The following PRDM6 variants were observed in gnomAD, a reference collection of about 807,000 sequenced individuals.
PRDM6 encodes putative histone-lysine N-methyltransferase PRDM6.
A neutral mutation model predicts 60.8 loss-of-function variants in PRDM6; 25 were observed. The ratio of observed to expected loss-of-function variants is 0.41; its 90% CI spans 0.30 to 0.57. The LOEUF (loss-of-function observed/expected upper bound fraction) is 0.57. Among genes scored for constraint, PRDM6 ranks in the 20% least tolerant of loss-of-function variants. PRDM6 has a pLI of 0.27. For synonymous variants in PRDM6, 407 were observed against 357.4 expected (o/e 1.14, Z -1.57); for missense variants, 839 against 821.3 (o/e 1.02, Z -0.26).
chr5:123,145,386 G>A (rs1220003141), intron 3 of PRDM6, among the ~76,000 whole-genome samples: 1 of 152,174 alleles, frequency 6.6e-6, no homozygotes, highest in Non-Finnish European at 1.5e-5. Flanking sequence ...AAGCACAGTG[G>A]CTGGCACACA....
chr5:123,096,481 C>T (rs2150206354), intron 2 of PRDM6, among the ~76,000 whole-genome samples: 1 of 152,248 alleles, frequency 6.6e-6, no homozygotes, highest in Admixed American at 6.5e-5. Context: ...TAAGTTAGAA[C>T]CCAAATGTTT....
At chr5:123,092,586 A>G (rs1199779449) in intron 2 of PRDM6, among the ~76,000 whole-genome samples, 1 of 152,238 alleles carries the variant, frequency 6.6e-6, no homozygotes, top group Admixed American at 6.5e-5. Flanking sequence ...TGGAGAAAAT[A>G]AATTACAATT....
intron 6 of PRDM6, among the ~76,000 whole-genome samples, chr5:123,177,322 C>G (rs1766038069): frequency 6.6e-6 from 1 of 152,134 alleles, no homozygotes; most frequent in Non-Finnish European, 1.5e-5. Context: ...TTTCTAAGGG[C>G]TAACTTTCTA....
chr5:123,107,133 T>G (rs1554085565), intron 3 of PRDM6, among the ~76,000 whole-genome samples: 2 of 152,232 alleles, frequency 1.3e-5, no homozygotes, highest in Non-Finnish European at 2.9e-5. Context: ...ATTGTACTTT[T>G]GGGGGAGGGT....
chr5:123,103,354 A>G (rs553958015), intron 3 of PRDM6, among the ~76,000 whole-genome samples: 15 of 152,178 alleles, frequency 9.9e-5, no homozygotes, highest in Admixed American at 4.6e-4. Context: ...AAATTCAGAT[A>G]CTTTAAAACA....
Position 123,187,189 on chromosome 5 carries a change from C to G in PRDM6, c.1776C>G (p.Ile592Met). ...CAATAACTGAGAGCCCAGAATCAAT[C>G]GAAGTGGATTAACGGATTGACTGGT... is the stretch of plus-strand genomic sequence containing the variant. ...CKPITESPES[I>M]EVD The change falls in exon 8 of 8, where the codon ATC (isoleucine) becomes ATG (methionine). Residue 592 changes from isoleucine (I) to methionine (M), a missense_variant. By Grantham distance (10) the Ile-to-Met change is conservative. This residue lies in a region of PRDM6 where 109 missense variants were observed against 172.6 expected (regional missense o/e 0.63). Coordinates refer to ENST00000407847, the MANE Select transcript of PRDM6 (RefSeq NM_001136239.4). 6.5e-7 allele frequency: 1 copy of G among 1,549,818 alleles called. No individual in the cohort carries two copies. The highest frequency in any genetic ancestry group is 1.4e-5 in the African/African-American group (1 of 73,120).
intron 7 of PRDM6, among the ~76,000 whole-genome samples, chr5:123,182,145 A>G (rs1042364323): frequency 2.6e-5 from 4 of 152,144 alleles, no homozygotes; most frequent in African/African-American, 9.7e-5. Context: ...ATCTTTTTCT[A>G]ATCCACCCTA....
At chr5:123,176,917 TAATGGG>T (rs1766025631) in intron 6 of PRDM6, among the ~76,000 whole-genome samples, 1 of 152,142 alleles carries the variant, frequency 6.6e-6, no homozygotes, top group Non-Finnish European at 1.5e-5. Flanking sequence ...CTTGGAAAAT[TAATGGG>T]AATGTTGGTT....
chr5:123,098,575 T>C (rs6864547), intron 2 of PRDM6, among the ~76,000 whole-genome samples: 55,672 of 152,090 alleles, frequency 0.37, 10,309 homozygotes, highest in Middle Eastern at 0.43. Context: ...GGGCGCCCAC[T>C]ACCGCCCGGC....
intron 6 of PRDM6, among the ~76,000 whole-genome samples, chr5:123,172,672 ATGGT>A (rs1266794371): frequency 6.6e-6 from 1 of 152,212 alleles, no homozygotes; most frequent in Non-Finnish European, 1.5e-5. Flanking sequence ...GTGAATTCAG[ATGGT>A]TGGATCTATT....
chr5:123,100,446 G>C (rs1365799551), intron 3 of PRDM6, among the ~76,000 whole-genome samples: 3 of 152,172 alleles, frequency 2.0e-5, no homozygotes, highest in African/African-American at 7.2e-5. Flanking sequence ...GGAGAGGCTG[G>C]CCCCTTTTCT....
intron 5 of PRDM6, among the ~76,000 whole-genome samples, chr5:123,160,500 A>G (rs910798778): frequency 2.6e-5 from 4 of 152,272 alleles, no homozygotes; most frequent in African/African-American, 9.6e-5. Flanking sequence ...CAAAGATAAC[A>G]GATATCTTTT....
In PRDM6 at chr5:123,090,283, C is replaced by T. The variant is rs910455161; in HGVS notation, c.269C>T (p.Ala90Val). 6.7e-7 allele frequency: 1 copy of T among 1,488,566 alleles called. No individual in the cohort carries two copies. Among genetic ancestry groups the T allele is most frequent in the South Asian group, 1.3e-5 (1 of 78,972 alleles). 92.2% of individuals were successfully genotyped at this position (1,488,566 alleles called of 1,614,324 possible). The stretch of plus-strand genomic sequence containing the variant: ...ACGCCGGCTTCCTCTTCCACCTCCG[C>T]CTCCTCCGCCTCCTCCTGCGCTGCT... ...SSTPASSSTSASSASSCAAAA... is the reference protein window; with the variant it reads ...SSTPASSSTSVSSASSCAAAA... Residue 90 changes from alanine (A) to valine (V), a missense_variant, in exon 2 of 8, where the codon GCC becomes GTC. By Grantham distance (64) the Ala-to-Val change is moderately conservative. Coordinates refer to ENST00000407847, the MANE Select transcript of PRDM6 (RefSeq NM_001136239.4).
At chr5:123,104,339 A>T (rs1764163523) in intron 3 of PRDM6, among the ~76,000 whole-genome samples, 1 of 152,134 alleles carries the variant, frequency 6.6e-6, no homozygotes, top group Non-Finnish European at 1.5e-5. Context: ...TCAATTTCAT[A>T]TATACAGTAC....
chr5:123,102,770 T>G (rs186772323), intron 3 of PRDM6, among the ~76,000 whole-genome samples: 230 of 152,268 alleles, frequency 1.5e-3, no homozygotes, highest in Middle Eastern at 0.01. Flanking sequence ...CTGATGGATC[T>G]TACCAGGGTT....
At chr5:123,126,202 G>T (rs1192583515) in intron 3 of PRDM6, among the ~76,000 whole-genome samples, 1 of 152,128 alleles carries the variant, frequency 6.6e-6, no homozygotes, top group African/African-American at 2.4e-5. Flanking sequence ...ACATGCATAA[G>T]TAGGCCCAAT....
intron 6 of PRDM6, 89 bp downstream of exon 6, chr5:123,171,197 G>A (rs34706194): frequency 0.016 from 16,595 of 1,038,316 alleles, 206 homozygotes; most frequent in Middle Eastern, 0.037. Flanking sequence ...CTCCACAGGG[G>A]AAGCCCTGTG....
chr5:123,105,720 A>G (rs1382679357), intron 3 of PRDM6, among the ~76,000 whole-genome samples: 1 of 152,202 alleles, frequency 6.6e-6, no homozygotes, highest in Non-Finnish European at 1.5e-5. Flanking sequence ...AGGATCGTAT[A>G]TACCCCAAGA....
At chr5:123,140,537 G>A (rs1291203028) in intron 3 of PRDM6, among the ~76,000 whole-genome samples, 3 of 151,668 alleles carry the variant, frequency 2.0e-5, no homozygotes, top group African/African-American at 7.3e-5. Flanking sequence ...CACTTTAAAG[G>A]GAAAAAAAGA....
Sources: gnomAD v4.1 joint callset for allele counts (sites outside exome capture counted in the v4.1 genomes callset) on GRCh38, gnomAD v4.1.1 for gene constraint, gnomAD v4.1.1 regional missense constraint, MANE v1.5 for transcripts, NCBI Gene and HGNC (gene_info 2026-07-23, HGNC 2026-07-21) for gene names.